Variants in TAS1R2 observed in about 807,000 individuals in gnomAD.
TAS1R2 encodes taste receptor type 1 member 2.
Under a neutral mutation model 49.3 loss-of-function variants are expected in TAS1R2, and 47 were observed. That is an observed-to-expected ratio of 0.95 (90% CI 0.75 to 1.22). TAS1R2 has a LOEUF of 1.22. Among genes scored for constraint, TAS1R2 ranks in the 50% most tolerant of loss-of-function variants. The pLI is 0.00. For missense variants in TAS1R2, 1,155 were observed against 1,122.1 expected, an observed-to-expected ratio of 1.03 and a Z score of -0.42; for synonymous variants, 479 against 467.9, an observed-to-expected ratio of 1.02 and a Z score of -0.31.
At chr1:18,840,104 C>G in exon 6 of TAS1R2, 1 of 1,614,260 alleles carries the variant, frequency 6.2e-7, no homozygotes, top group South Asian at 1.1e-5. Context: ...GTAGCGGACC[C>G]AGTAGCTGTA....
rs192822676 is a variant in TAS1R2 at position 18,858,076 on chromosome 1, C to G, written c.183-445G>C. Among the ~76,000 whole-genome samples the G allele has an allele frequency of 1.7e-3, 254 of 151,854 alleles. 6 individuals are homozygous for G. The South Asian group carries it at 0.049, about 29-fold the overall frequency. Reference sequence around the variant, plus strand: ...ACCGTCACCACCATCACTATCAGCACGACCATTATCACAGCCATCATCACC... The same window carrying G: ...ACCGTCACCACCATCACTATCAGCAGGACCATTATCACAGCCATCATCACC... On this transcript the variant is annotated intron_variant, in intron 1 of 5. Transcript: ENST00000375371.
At chr1:18,848,320 T>A (rs1933958910) in intron 4 of TAS1R2, among the ~76,000 whole-genome samples, 1 of 152,042 alleles carries the variant, frequency 6.6e-6, no homozygotes, top group African/African-American at 2.4e-5. Flanking sequence ...ATATGAGAAT[T>A]GAGGTCCTTA....
chr1:18,854,252 G>C lies in TAS1R2; in HGVS notation c.1218C>G (p.Asp406Glu). ...CCACCCTCTTGGTGCAGGTGCTTTT[G>C]TCACAGCCGAGGAGGCTGTGCAGGG... Residue 406 changes from aspartate (D) to glutamate (E), a missense_variant, in exon 3 of 6, where the codon GAC (aspartate) becomes GAG (glutamate). Transcript: ENST00000375371. The surrounding 1 kb of genome is among the most constrained non-coding windows in gnomAD (Gnocchi z 4.9). The C allele has an allele frequency of 6.2e-7, 1 of 1,614,022 alleles. No individual in the cohort carries two copies. Among genetic ancestry groups the C allele is most frequent in the African/African-American group, 1.3e-5 (1 of 75,054 alleles).
rs747287883 is a variant in TAS1R2 at position 18,839,694 on chromosome 1, C to T, written c.2425G>A (p.Gly809Ser). Residue 809 changes from glycine to serine, a missense_variant, in exon 6 of 6, where the codon GGC becomes AGC. Physicochemically the swap from Gly to Ser is moderately conservative, Grantham distance 56 (BLOSUM62 0). Transcript: ENST00000375371. The stretch of plus-strand genomic sequence containing the variant: ...AAGAGGATCATGTAGCACTTGGGGC[C>T]GAAGTAGCCCAGGCTGATGGCCAGG... 1.0e-4 allele frequency: 169 copies of T among 1,614,082 alleles called. No individual in the cohort carries two copies. The highest frequency in any genetic ancestry group is 1.4e-4 in the South Asian group (13 of 91,092).
chr1:18,854,925 C>A lies in TAS1R2; in HGVS notation c.545G>T (p.Arg182Leu). The change falls in exon 3 of 6, where the codon CGT (arginine) becomes CTT (leucine). Residue 182 changes from arginine to leucine, a missense_variant. By Grantham distance (102) the Arg-to-Leu change is moderately radical. Transcript: ENST00000375371. This position sits in a 1 kb window ranked among gnomAD's most constrained non-coding sequence, Gnocchi z 4.9. ...GTGGTGGTCGGCGCTGGGTGTGGTA[C>A]GCAGCAAAGCCGGGAAGCGCACCTT... 2 of 1,610,940 alleles carry A rather than the reference C, an allele frequency of 1.2e-6. No homozygotes were observed. The highest frequency in any genetic ancestry group is 1.7e-6 in the Non-Finnish European group (2 of 1,177,496).
chr1:18,858,418 T>A (rs1021997045), intron 1 of TAS1R2: 2 of 151,262 alleles, frequency 1.3e-5, no homozygotes, highest in African/African-American at 4.9e-5. Flanking sequence ...ATCACTATCA[T>A]CACCACCAAC....
At chr1:18,841,979 CTGT>C in intron 4 of TAS1R2, 127 bp from the exon 5 acceptor site, 1 of 570,894 alleles carries the variant, frequency 1.8e-6, no homozygotes, top group South Asian at 4.2e-5. Flanking sequence ...GGGGTGGAAA[CTGT>C]AGAAAAAAAA....
chr1:18,857,348 G>A, exon 2 of TAS1R2: 1 of 1,613,946 alleles, frequency 6.2e-7, no homozygotes, highest in Non-Finnish European at 8.5e-7. Flanking sequence ...AGGAGAAATA[G>A]GGAGAGGAAG....
exon 2 of TAS1R2, chr1:18,857,410 A>G: frequency 6.2e-7 from 1 of 1,614,230 alleles, no homozygotes; most frequent in South Asian, 1.1e-5. Context: ...GACAGCCACC[A>G]CACGGGAAAT....
At chr1:18,842,913 A>C (rs1437752853) in intron 4 of TAS1R2, among the ~76,000 whole-genome samples, 1 of 152,222 alleles carries the variant, frequency 6.6e-6, no homozygotes, top group Non-Finnish European at 1.5e-5. Flanking sequence ...TGCATGCTTA[A>C]AAATAAACAA....
chr1:18,851,015 T>C (rs2100516932), intron 3 of TAS1R2, among the ~76,000 whole-genome samples: 1 of 152,314 alleles, frequency 6.6e-6, no homozygotes, highest in South Asian at 2.1e-4. Context: ...ATTCCTTCCA[T>C]TTAACAGATG....
rs377549890 is a variant in TAS1R2, at chr1:18,857,295, C to T, written c.483+36G>A. 5 of 1,595,126 alleles carry T rather than the reference C, an allele frequency of 3.1e-6. No individual in the cohort carries two copies. The Admixed American group carries it at 5.1e-5, about 16-fold the overall frequency. On this transcript the variant is annotated intron_variant, in intron 2 of 5. Transcript: ENST00000375371. ...TCTAGACAGCCATTCCTCTGCCCCC[C>T]TCCCCAGGTCCTTCTCCAGGGCCCA...
intron 1 of TAS1R2, among the ~76,000 whole-genome samples, chr1:18,857,937 TCCATCACCA>T (rs1934170727): frequency 6.6e-6 from 1 of 151,922 alleles, no homozygotes; most frequent in African/African-American, 2.4e-5. Context: ...CACTAAGACT[TCCATCACCA>T]CCATCACCAC....
Position 18,854,080 on chromosome 1 carries a change from T to C in TAS1R2, c.1257+133A>G, listed in dbSNP as rs1004308423. 14 of 849,696 alleles carry C rather than the reference T, an allele frequency of 1.6e-5. No individual in the cohort carries two copies. Among genetic ancestry groups the C allele is most frequent in the Non-Finnish European group, 2.1e-5 (12 of 561,340 alleles). 52.6% of individuals were successfully genotyped at this position (849,696 alleles called of 1,614,324 possible). ...AATTAATTTAAAAAGCAATTTTGTT[T>C]TGGCACCAGGAAGGACTAGTGCTAT... On this transcript the variant is annotated intron_variant, in intron 3 of 5. Coordinates refer to ENST00000375371, the Ensembl canonical transcript of TAS1R2. This position sits in a 1 kb window ranked among gnomAD's most constrained non-coding sequence, Gnocchi z 4.9.
At chr1:18,841,821 T>G (rs769903737) in exon 5 of TAS1R2, 8 of 1,613,012 alleles carry the variant, frequency 5.0e-6, no homozygotes, top group Non-Finnish European at 6.8e-6. Flanking sequence ...TTGCCCTGAC[T>G]GGCACCTCTT....
intron 4 of TAS1R2, among the ~76,000 whole-genome samples, chr1:18,848,475 G>T (rs1353691270): frequency 6.6e-6 from 1 of 151,970 alleles, no homozygotes; most frequent in Non-Finnish European, 1.5e-5. Context: ...GTATACCCAC[G>T]AATAGAGGTC....
At chr1:18,857,117 C>A (rs963960278) in intron 2 of TAS1R2, among the ~76,000 whole-genome samples, 2 of 152,226 alleles carry the variant, frequency 1.3e-5, no homozygotes, top group Non-Finnish European at 1.5e-5. Flanking sequence ...AGGCTCGGTG[C>A]CAAGTTGCAC....
At chr1:18,858,789 T>A (rs1191708465) in intron 1 of TAS1R2, among the ~76,000 whole-genome samples, 2 of 152,174 alleles carry the variant, frequency 1.3e-5, no homozygotes, top group Non-Finnish European at 2.9e-5. Context: ...CAAGCCAGCA[T>A]ATAATCTTCC....
intron 4 of TAS1R2, among the ~76,000 whole-genome samples, chr1:18,842,725 A>G (rs753548873): frequency 2.0e-5 from 3 of 152,238 alleles, no homozygotes; most frequent in Non-Finnish European, 4.4e-5. Flanking sequence ...TTCTACTTAT[A>G]TGAGGTGTCT....
Sources: gnomAD v4.1 joint callset for allele counts (sites outside exome capture counted in the v4.1 genomes callset) on GRCh38, gnomAD v4.1.1 for gene constraint, Gnocchi (gnomAD v3.1) non-coding constraint, MANE v1.5 for transcripts, NCBI Gene and HGNC (gene_info 2026-07-23, HGNC 2026-07-21) for gene names.